Variants in ROCK2 observed in about 807,000 individuals in gnomAD.
ROCK2 encodes the protein rho-associated protein kinase 2.
ROCK2 carries 61 observed loss-of-function variants against 195.1 expected under a neutral mutation model. That is an observed-to-expected ratio of 0.31 (90% confidence interval 0.25 to 0.39). The LOEUF is 0.39. ROCK2 is among the 10% of genes least tolerant of loss of function. ROCK2 has a pLI of 1.00. For missense variants in ROCK2, 1,109 were observed against 1,637.4 expected (o/e 0.68, Z 5.57); for synonymous variants, 504 against 545.5 (o/e 0.92, Z 1.06).
intron 4 of ROCK2, among the ~76,000 whole-genome samples, chr2:11,243,416 A>G (rs796087092): frequency 5.9e-5 from 9 of 152,348 alleles, no homozygotes; most frequent in South Asian, 2.1e-4. Flanking sequence ...TATCAAAAGA[A>G]GAATTTTAAA....
At chr2:11,286,028 A>C (rs1667175525) in intron 3 of ROCK2, among the ~76,000 whole-genome samples, 1 of 151,392 alleles carries the variant, frequency 6.6e-6, no homozygotes, top group Admixed American at 6.6e-5. Flanking sequence ...ATAATAGAGG[A>C]GTTTCATATA....
chr2:11,202,106 T>G lies in ROCK2; in HGVS notation c.2565A>C (p.Ala855=), dbSNP rs776881617. The change falls in exon 21 of 33, where the codon GCA becomes GCC. Residue 855 remains alanine (A), a synonymous_variant. Transcript: ENST00000315872. ...NAELRKERQD[A]DGQMKELQDQ... is the part of the protein sequence containing the mutation. The stretch of plus-strand genomic sequence containing the variant: ...CCTGGAGCTCTTTCATTTGCCCATC[T>G]GCATCCTGACGTTCTCTGTGAGGAC... The G allele has an allele frequency of 1.2e-6, 2 of 1,613,492 alleles. No homozygotes were observed. Among genetic ancestry groups the G allele is most frequent in the South Asian group, 2.2e-5 (2 of 91,076 alleles).
At chr2:11,293,688 G>C (rs1230734547) in intron 1 of ROCK2, among the ~76,000 whole-genome samples, 1 of 152,038 alleles carries the variant, frequency 6.6e-6, no homozygotes, top group Admixed American at 6.6e-5. Flanking sequence ...GTGAGTCTTT[G>C]CATTAATTTT....
At chr2:11,195,868 G>T (rs1663615385) in intron 27 of ROCK2, among the ~76,000 whole-genome samples, 1 of 152,142 alleles carries the variant, frequency 6.6e-6, no homozygotes, top group Non-Finnish European at 1.5e-5. Context: ...ATAATCAAAA[G>T]ATTTCTAAAT....
At chr2:11,284,543 C>T (rs997085226) in intron 3 of ROCK2, among the ~76,000 whole-genome samples, 2 of 151,930 alleles carry the variant, frequency 1.3e-5, no homozygotes, top group Non-Finnish European at 2.9e-5. Context: ...TTACTGTGAA[C>T]CTAAAAGTGC....
intron 3 of ROCK2, among the ~76,000 whole-genome samples, chr2:11,282,791 A>G (rs1481239959): frequency 6.6e-6 from 1 of 152,106 alleles, no homozygotes; most frequent in East Asian, 1.9e-4. Context: ...CTCAAAGACA[A>G]TGTCAAGAGG....
At chr2:11,238,550 TA>T (rs1278249092) in intron 4 of ROCK2, among the ~76,000 whole-genome samples, 4 of 152,070 alleles carry the variant, frequency 2.6e-5, no homozygotes, top group Non-Finnish European at 5.9e-5. Flanking sequence ...AAAATTACAA[TA>T]ATCAAGACAA....
intron 18 of ROCK2, among the ~76,000 whole-genome samples, chr2:11,210,476 G>T (rs1212007851): frequency 6.6e-6 from 1 of 151,902 alleles, no homozygotes; most frequent in African/African-American, 2.4e-5. Context: ...AAGTAGCTCT[G>T]ACTATAGGCG....
chr2:11,243,404 A>G (rs2148117717), intron 4 of ROCK2, among the ~76,000 whole-genome samples: 1 of 152,300 alleles, frequency 6.6e-6, no homozygotes, highest in East Asian at 1.9e-4. Context: ...TTAACCTGTA[A>G]CTATCAAAAG....
chr2:11,247,865 T>C (rs141328731), intron 4 of ROCK2, among the ~76,000 whole-genome samples: 9 of 151,808 alleles, frequency 5.9e-5, no homozygotes, highest in African/African-American at 1.7e-4. Flanking sequence ...CTACTAAAAA[T>C]ACAAAAATTA....
At chr2:11,337,207 T>G (rs975896909) in intron 1 of ROCK2, among the ~76,000 whole-genome samples, 1 of 149,566 alleles carries the variant, frequency 6.7e-6, no homozygotes, top group Non-Finnish European at 1.5e-5. Flanking sequence ...ATTGTGCCAC[T>G]GCACTCCAGC....
chr2:11,231,099 C>T (rs1664991704), intron 5 of ROCK2, among the ~76,000 whole-genome samples: 1 of 151,618 alleles, frequency 6.6e-6, no homozygotes, highest in Non-Finnish European at 1.5e-5. Flanking sequence ...AGAAAAGCTA[C>T]CAGTTAGCTT....
At chr2:11,189,100 A>C (rs998596297) in intron 32 of ROCK2, among the ~76,000 whole-genome samples, 3 of 152,104 alleles carry the variant, frequency 2.0e-5, no homozygotes, top group Non-Finnish European at 2.9e-5. Context: ...ACCACAAAGA[A>C]AGACACAGAG....
At chr2:11,243,894 G>T (rs1665520603) in intron 4 of ROCK2, among the ~76,000 whole-genome samples, 1 of 152,188 alleles carries the variant, frequency 6.6e-6, no homozygotes. Context: ...CTGTATTGGG[G>T]ATAGATAGGA....
intron 3 of ROCK2, among the ~76,000 whole-genome samples, chr2:11,270,390 GT>G (rs1162498386): frequency 6.6e-6 from 1 of 152,102 alleles, no homozygotes; most frequent in Non-Finnish European, 1.5e-5. Flanking sequence ...TGGATCTGTG[GT>G]TTGGTGTCTG....
At chr2:11,230,530 G>A (rs1030721292) in intron 5 of ROCK2, among the ~76,000 whole-genome samples, 1 of 152,110 alleles carries the variant, frequency 6.6e-6, no homozygotes, top group African/African-American at 2.4e-5. Context: ...ATAGAGAATA[G>A]GGTACAAAAG....
intron 1 of ROCK2, among the ~76,000 whole-genome samples, chr2:11,338,439 A>G (rs1012507631): frequency 6.6e-5 from 10 of 152,260 alleles, no homozygotes; most frequent in African/African-American, 2.4e-4. Context: ...TTGGAAAAAA[A>G]ATAAAAATTA....
intron 3 of ROCK2, among the ~76,000 whole-genome samples, chr2:11,276,809 G>A (rs73175690): frequency 6.6e-6 from 1 of 152,020 alleles, no homozygotes; most frequent in Admixed American, 6.6e-5. Flanking sequence ...ACATATATAT[G>A]CACAAAATGA....
intron 28 of ROCK2, 128 bp downstream of exon 28, chr2:11,194,827 C>T (rs1663568194): frequency 4.6e-6 from 2 of 431,530 alleles, no homozygotes; most frequent in Admixed American, 8.4e-5. Context: ...ATTTCAAATC[C>T]TGAAGTATAA....
Sources: gnomAD v4.1 joint callset for allele counts (sites outside exome capture counted in the v4.1 genomes callset) on GRCh38, gnomAD v4.1.1 for gene constraint, MANE v1.5 for transcripts, NCBI Gene and HGNC (gene_info 2026-07-23, HGNC 2026-07-21) for gene names.